Variants in DCHS2 observed in about 807,000 individuals in gnomAD.
DCHS2 encodes the protein dachsous cadherin-related 2.
DCHS2 carries 142 observed loss-of-function variants against 182.4 expected under a neutral mutation model. That is an observed-to-expected ratio of 0.78 (90% CI 0.68 to 0.89). DCHS2 has a LOEUF of 0.89. Among genes scored for constraint, DCHS2 ranks in the 40% least tolerant of loss-of-function variants. The pLI is 0.00. For missense variants in DCHS2, 4,319 were observed against 4,198.6 expected (o/e 1.03, Z -0.79); for synonymous variants, 1,740 against 1,663.3 (o/e 1.05, Z -1.12).
At chr4:154,426,971 T>G (rs1733356827) in intron 1 of DCHS2, among the ~76,000 whole-genome samples, 1 of 152,084 alleles carries the variant, frequency 6.6e-6, no homozygotes, top group Non-Finnish European at 1.5e-5. Context: ...ACATTTAAAT[T>G]TTTTTAAATG....
At chr4:154,312,592 T>A (rs1182871527) in intron 10 of DCHS2, among the ~76,000 whole-genome samples, 1 of 152,154 alleles carries the variant, frequency 6.6e-6, no homozygotes, top group Non-Finnish European at 1.5e-5. Flanking sequence ...GGATCAGGGA[T>A]ATGTTCTCTT....
intron 10 of DCHS2, among the ~76,000 whole-genome samples, chr4:154,315,395 C>A (rs1735816251): frequency 6.6e-6 from 1 of 152,112 alleles, no homozygotes; most frequent in African/African-American, 2.4e-5. Flanking sequence ...AATAAAGAAC[C>A]ATTTATCTTC....
At chr4:154,397,107 T>C (rs1345087197) in intron 1 of DCHS2, among the ~76,000 whole-genome samples, 1 of 152,186 alleles carries the variant, frequency 6.6e-6, no homozygotes, top group Non-Finnish European at 1.5e-5. Context: ...GCATGTAATA[T>C]AAGCTAAGAG....
chr4:154,371,302 G>T (rs1475731138), intron 2 of DCHS2, among the ~76,000 whole-genome samples: 2 of 152,096 alleles, frequency 1.3e-5, no homozygotes, highest in African/African-American at 4.8e-5. Context: ...AAATTATTTG[G>T]ATGCTGCCCT....
Position 154,256,348 on chromosome 4 carries a change from T to G in DCHS2, c.6790-678A>C, listed in dbSNP as rs552389922. Among the ~76,000 whole-genome samples the G allele has an allele frequency of 5.3e-5, 8 of 152,234 alleles. No homozygotes were observed. In the South Asian group the frequency reaches 1.0e-3, roughly 20 times the overall value. ...TGGGGTTTTCCCATTTTGCCCAGGC[T>G]GGTCTTGAACTCCTGGGCTCAAGCG... On this transcript the variant is annotated intron_variant, in intron 15 of 19. Transcript: ENST00000357232.
chr4:154,447,968 T>G (rs1028360983), intron 1 of DCHS2, among the ~76,000 whole-genome samples: 7 of 152,208 alleles, frequency 4.6e-5, no homozygotes, highest in Non-Finnish European at 8.8e-5. Flanking sequence ...AATTCCTTGT[T>G]GACTTCCTTT....
In DCHS2 at chr4:154,256,383, C is replaced by CA. The variant is rs1414508625; in HGVS notation, c.6790-714dup. On this transcript the variant is annotated intron_variant, in intron 15 of 19. Transcript: ENST00000357232. ...CTCCTGGGCTCAAGCGATCCACCTG[C>CA]ATCAGCCTCCCAAAGTGCTGGGATA... Among the ~76,000 whole-genome samples the CA allele has an allele frequency of 3.9e-5, 6 of 152,248 alleles. No individual in the cohort carries two copies. In the South Asian group the frequency reaches 1.0e-3, roughly 26 times the overall value.
intron 10 of DCHS2, among the ~76,000 whole-genome samples, chr4:154,313,937 A>C (rs186238851): frequency 7.2e-5 from 11 of 152,334 alleles, no homozygotes; most frequent in Admixed American, 6.5e-4. Flanking sequence ...GGTTGCAGAT[A>C]ATTCATTCTA....
At chr4:154,365,981 A>T (rs1730333259) in intron 3 of DCHS2, among the ~76,000 whole-genome samples, 1 of 152,060 alleles carries the variant, frequency 6.6e-6, no homozygotes. Context: ...AGTGAGGCCA[A>T]TAAAGACCAC....
chr4:154,373,874 AC>A (rs1561074729), intron 2 of DCHS2: 1 of 1,504,916 alleles, frequency 6.6e-7, no homozygotes, highest in Non-Finnish European at 9.1e-7. Flanking sequence ...ATTTCCAGGC[AC>A]CAGATGTTAA....
intron 1 of DCHS2, among the ~76,000 whole-genome samples, chr4:154,421,722 G>A (rs1361795932): frequency 6.6e-6 from 1 of 152,178 alleles, no homozygotes; most frequent in East Asian, 1.9e-4. Flanking sequence ...GCTTTCGTCT[G>A]CTTTAAAAAA....
intron 3 of DCHS2, among the ~76,000 whole-genome samples, chr4:154,359,839 G>T (rs538465512): frequency 6.6e-6 from 1 of 152,026 alleles, no homozygotes; most frequent in East Asian, 1.9e-4. Flanking sequence ...TTACTCAATT[G>T]GAAAGAGTAA....
At chr4:154,461,907 G>A (rs945409102) in intron 1 of DCHS2, among the ~76,000 whole-genome samples, 1 of 152,160 alleles carries the variant, frequency 6.6e-6, no homozygotes, top group African/African-American at 2.4e-5. Context: ...CACTTTCCAA[G>A]GCTTCCCAGA....
intron 1 of DCHS2, among the ~76,000 whole-genome samples, chr4:154,450,142 G>GTT (rs1324249234): frequency 6.6e-6 from 1 of 152,180 alleles, no homozygotes; most frequent in East Asian, 1.9e-4. Flanking sequence ...CACAGAGGTT[G>GTT]CTGAGAATCC....
At position 154,236,694 on chromosome 4, in the gene DCHS2, A is replaced by ATTGAT; in HGVS notation, c.7953_7957dup (p.Ile2653AsnfsTer18). 12 of 1,613,972 alleles carry ATTGAT rather than the reference A, an allele frequency of 7.4e-6. No individual in the cohort carries two copies. Among genetic ancestry groups the ATTGAT allele is most frequent in the Non-Finnish European group, 1.0e-5 (12 of 1,179,960 alleles). On this transcript the variant is annotated frameshift_variant, in exon 20 of 20. Transcript: ENST00000357232. LOFTEE classifies it low-confidence loss of function (END_TRUNC). ...ATTGTCATTGACATCAAGTACTTGT[A>ATTGAT]TTGATATGACAGCTGTGGAACTCAA...
chr4:154,272,962 A>G (rs1291903486), intron 13 of DCHS2, among the ~76,000 whole-genome samples: 1 of 152,104 alleles, frequency 6.6e-6, no homozygotes. Context: ...TATTCCTCAG[A>G]AACTTCCTCA....
intron 8 of DCHS2, 100 bp downstream of exon 8, chr4:154,322,231 A>C (rs909427438): frequency 3.4e-6 from 5 of 1,451,330 alleles, no homozygotes; most frequent in Non-Finnish European, 3.8e-6. Context: ...ATACATATTC[A>C]TATACATACA....
chr4:154,237,118 T>C lies in DCHS2; in HGVS notation c.7534A>G (p.Ile2512Val). The C allele has an allele frequency of 1.2e-6, 2 of 1,613,188 alleles. No homozygotes were observed. Among genetic ancestry groups the C allele is most frequent in the Non-Finnish European group, 1.7e-6 (2 of 1,179,822 alleles). ...TISPVLLLDT[I>V]STTQFLVEAS... is the part of the protein sequence containing the mutation. ...TCCACAAGAAATTGAGTTGTTGATA[T>C]TGTATCCAGAAGTAATACGGGACTG... The change falls in exon 20 of 20, where the codon ATA (isoleucine) becomes GTA (valine). Residue 2512 changes from isoleucine (I) to valine (V), a missense_variant. Physicochemically the swap from Ile to Val is conservative, Grantham distance 29. Transcript: ENST00000357232.
intron 13 of DCHS2, among the ~76,000 whole-genome samples, chr4:154,281,008 G>A (rs925273571): frequency 6.6e-6 from 1 of 151,898 alleles, no homozygotes; most frequent in Non-Finnish European, 1.5e-5. Context: ...TTGTATTTTT[G>A]TGGAGACAAT....
Sources: gnomAD v4.1 joint callset for allele counts (sites outside exome capture counted in the v4.1 genomes callset) on GRCh38, gnomAD v4.1.1 for gene constraint, MANE v1.5 for transcripts, NCBI Gene and HGNC (gene_info 2026-07-23, HGNC 2026-07-21) for gene names.